The following DTX2 variants were observed in gnomAD, a reference collection of about 807,000 sequenced individuals.
DTX2 encodes probable E3 ubiquitin-protein ligase DTX2.
A neutral mutation model predicts 55.3 loss-of-function variants in DTX2; 29 were observed. The observed-to-expected ratio is 0.52, with a 90% CI of 0.39 to 0.71. The LOEUF (loss-of-function observed/expected upper bound fraction) is 0.71. Among genes scored for constraint, DTX2 ranks in the 30% least tolerant of loss-of-function variants. DTX2 has a pLI of 0.00. For synonymous variants in DTX2, 276 were observed against 340.4 expected, an observed-to-expected ratio of 0.81 and a Z score of 2.08; for missense variants, 537 against 822.5, an observed-to-expected ratio of 0.65 and a Z score of 4.25.
chr7:76,467,984 G>T (rs1420208644), intron 2 of DTX2, among the ~76,000 whole-genome samples: 1 of 152,298 alleles, frequency 6.6e-6, no homozygotes, highest in African/African-American at 2.4e-5. Context: ...CTCGGGCAGG[G>T]CATCCCGAGG....
intron 2 of DTX2, among the ~76,000 whole-genome samples, chr7:76,475,796 G>T (rs1463379638): frequency 1.0e-5 from 1 of 99,784 alleles, no homozygotes; most frequent in South Asian, 4.7e-4. Flanking sequence ...ATGAGACAGG[G>T]TCTCTGTCTG....
intron 2 of DTX2, among the ~76,000 whole-genome samples, chr7:76,467,808 C>T (rs1392897709): frequency 3.5e-3 from 522 of 150,430 alleles, no homozygotes; most frequent in African/African-American, 0.011. Context: ...CGGGAGCGAA[C>T]TTAGGAAAGA....
rs1812226478 is a variant in DTX2 at position 76,505,361 on chromosome 7, C to T, written c.1642-13C>T. 6 of 1,559,598 alleles carry T rather than the reference C, an allele frequency of 3.8e-6. No homozygotes were observed. Among genetic ancestry groups the T allele is most frequent in the East Asian group, 2.4e-5 (1 of 41,490 alleles). ...TCCCCTCCTTCCTCTTCCCCCTCCT[C>T]CTCCCCGGGCAGGTCCTAGAGCTCC... On this transcript the variant is annotated splice_polypyrimidine_tract_variant and intron_variant, in intron 10 of 10. Transcript: ENST00000430490. The surrounding 1 kb of genome is among the most constrained non-coding windows in gnomAD (Gnocchi z 4.4).
At chr7:76,466,759 C>T (rs1377312843) in intron 2 of DTX2, among the ~76,000 whole-genome samples, 13 of 152,246 alleles carry the variant, frequency 8.5e-5, no homozygotes, top group Admixed American at 2.0e-4. Flanking sequence ...CCACCATGCC[C>T]GGCTAATTTT....
At chr7:76,501,669 C>T (rs1222251550) in intron 7 of DTX2, among the ~76,000 whole-genome samples, 1 of 151,926 alleles carries the variant, frequency 6.6e-6, no homozygotes, top group Admixed American at 6.6e-5. Flanking sequence ...TCGTTCAGAA[C>T]GTCCTCCTCC....
Position 76,482,908 on chromosome 7 carries a change from A to C in DTX2, c.669A>C (p.Ala223=). The stretch of plus-strand genomic sequence containing the variant: ...GCCACTCCATGACCAACCTCCCTGC[A>C]TACCCCGTCCCCCAGCACCCCCCAC... ...RYRHSMTNLP[A]YPVPQHPPHR... Residue 223 remains alanine, a synonymous_variant, in exon 4 of 11, where the codon GCA becomes GCC. Transcript: ENST00000430490. The C allele has an allele frequency of 6.2e-7, 1 of 1,613,840 alleles. No individual in the cohort carries two copies. Among genetic ancestry groups the C allele is most frequent in the Non-Finnish European group, 8.5e-7 (1 of 1,179,770 alleles).
At chr7:76,502,930 A>G (rs190403484) in intron 8 of DTX2, 14 of 210,712 alleles carry the variant, frequency 6.6e-5, no homozygotes, top group African/African-American at 1.8e-4. Context: ...TGGGCCCCAC[A>G]GCAGCCTACA....
intron 1 of DTX2, chr7:76,463,300 AT>A (rs1349279543): frequency 9.2e-4 from 139 of 150,482 alleles, no homozygotes; most frequent in African/African-American, 3.2e-3. Context: ...ATAATAAAAA[AT>A]TTTAAAAAGA....
Position 76,505,335 on chromosome 7 carries a change from G to T in DTX2, c.1642-39G>T. Reference sequence around the variant, plus strand: ...GCTCACTGAGCCCCTCTCACTCTCCGTCCCCTCCTTCCTCTTCCCCCTCCT... The same window carrying T: ...GCTCACTGAGCCCCTCTCACTCTCCTTCCCCTCCTTCCTCTTCCCCCTCCT... On this transcript the variant is annotated intron_variant, in intron 10 of 10. Coordinates refer to ENST00000430490, the MANE Select transcript of DTX2 (RefSeq NM_001102594.3). The surrounding 1 kb of genome is among the most constrained non-coding windows in gnomAD (Gnocchi z 4.4). The T allele has an allele frequency of 1.3e-6, 2 of 1,517,700 alleles. No individual in the cohort carries two copies. Among genetic ancestry groups the T allele is most frequent in the Non-Finnish European group, 1.8e-6 (2 of 1,118,794 alleles). 94.0% of individuals were successfully genotyped at this position (1,517,700 alleles called of 1,614,324 possible).
chr7:76,464,239 A>G (rs547118841), intron 2 of DTX2, among the ~76,000 whole-genome samples: 330 of 139,540 alleles, frequency 2.4e-3, no homozygotes, highest in Non-Finnish European at 3.8e-3. Flanking sequence ...AAAGTGGGGC[A>G]CAGTCACCTG....
chr7:76,480,120 G>A (rs2116355475), intron 2 of DTX2, among the ~76,000 whole-genome samples: 1 of 112,966 alleles, frequency 8.9e-6, no homozygotes, highest in South Asian at 3.3e-4. Context: ...ACCAGCCTGG[G>A]CAACACAGAC....
intron 9 of DTX2, 114 bp downstream of exon 9, chr7:76,503,701 GC>G (rs1563759737): frequency 5.5e-6 from 6 of 1,088,146 alleles, no homozygotes; most frequent in Middle Eastern, 2.9e-4. Flanking sequence ...CCAAGCTCAG[GC>G]CCCCAGGTCC....
chr7:76,504,941 C>T (rs1351337436), intron 10 of DTX2, among the ~76,000 whole-genome samples: 4 of 151,842 alleles, frequency 2.6e-5, no homozygotes, highest in Non-Finnish European at 5.9e-5. Context: ...GGTGGAGCTG[C>T]TGATGGAGCT....
chr7:76,469,385 T>G (rs1254424228), intron 2 of DTX2, among the ~76,000 whole-genome samples: 7 of 145,736 alleles, frequency 4.8e-5, no homozygotes, highest in African/African-American at 1.3e-4. Context: ...TTTTTTACTG[T>G]GAATATTCCT....
At chr7:76,481,278 C>T (rs1300579541) in intron 3 of DTX2, among the ~76,000 whole-genome samples, 2 of 152,054 alleles carry the variant, frequency 1.3e-5, no homozygotes, top group Non-Finnish European at 2.9e-5. Context: ...CCCCTGCCTC[C>T]TGGGTTCAAG....
At chr7:76,490,283 A>G (rs1308890876) in intron 4 of DTX2, among the ~76,000 whole-genome samples, 1 of 84,210 alleles carries the variant, frequency 1.2e-5, no homozygotes, top group Non-Finnish European at 2.4e-5. Flanking sequence ...CCAAGATCAC[A>G]CCACTGCACT....
chr7:76,472,918 G>A (rs1184987559), intron 2 of DTX2, among the ~76,000 whole-genome samples: 2 of 152,234 alleles, frequency 1.3e-5, no homozygotes, highest in Non-Finnish European at 2.9e-5. Flanking sequence ...TCTGAAGTTA[G>A]AGTCTTAATT....
chr7:76,489,777 C>T (rs1261786102), intron 4 of DTX2, among the ~76,000 whole-genome samples: 1 of 121,796 alleles, frequency 8.2e-6, no homozygotes, highest in Non-Finnish European at 1.8e-5. Flanking sequence ...GAGCCAAGAT[C>T]ATGCCACTGC....
rs1247960120 is a variant in DTX2 at position 76,505,337 on chromosome 7, C to T, written c.1642-37C>T. On this transcript the variant is annotated intron_variant, in intron 10 of 10. Transcript: ENST00000430490. The surrounding 1 kb of genome is among the most constrained non-coding windows in gnomAD (Gnocchi z 4.4). Reference sequence around the variant, plus strand: ...TCACTGAGCCCCTCTCACTCTCCGTCCCCTCCTTCCTCTTCCCCCTCCTCC... The same window carrying T: ...TCACTGAGCCCCTCTCACTCTCCGTTCCCTCCTTCCTCTTCCCCCTCCTCC... 11 of 1,521,034 alleles carry T rather than the reference C, an allele frequency of 7.2e-6. No homozygotes were observed. The highest frequency in any genetic ancestry group is 8.0e-6 in the Non-Finnish European group (9 of 1,121,114). 94.2% of individuals were successfully genotyped at this position (1,521,034 alleles called of 1,614,324 possible).
Sources: gnomAD v4.1 joint callset for allele counts (sites outside exome capture counted in the v4.1 genomes callset) on GRCh38, gnomAD v4.1.1 for gene constraint, Gnocchi (gnomAD v3.1) non-coding constraint, MANE v1.5 for transcripts, NCBI Gene and HGNC (gene_info 2026-07-23, HGNC 2026-07-21) for gene names.